Variants in COPZ2 observed in about 807,000 individuals in gnomAD.
COPZ2 encodes the protein coat protein complex I subunit zeta 2.
In COPZ2, 30 loss-of-function variants were observed where a neutral mutation model predicts 33.2. The observed-to-expected ratio is 0.90, with a 90% CI of 0.68 to 1.23. COPZ2 has a LOEUF of 1.23. COPZ2 is among the 50% of genes most tolerant of loss of function. COPZ2 has a pLI of 0.00. For missense variants in COPZ2, 263 were observed against 262.4 expected (o/e 1.00, Z -0.02); for synonymous variants, 89 against 102.6 (o/e 0.87, Z 0.80).
upstream of COPZ2, among the ~76,000 whole-genome samples, chr17:48,038,339 T>G (rs748623656): frequency 6.6e-6 from 1 of 152,144 alleles, no homozygotes; most frequent in Non-Finnish European, 1.5e-5. Flanking sequence ...CAGGCTCTCC[T>G]AAGTCACAGA....
the COPZ2 span, chr17:48,045,236 G>C: frequency 1.3e-5 from 2 of 152,220 alleles, no homozygotes; most frequent in African/African-American, 4.8e-5. Context: ...TGGGGTTACA[G>C]GTGTGAGCCA....
At chr17:48,044,477 T>C in the COPZ2 span, among the ~76,000 whole-genome samples, 123,062 of 147,872 alleles carry the variant, frequency 0.83, 51,866 homozygotes, top group African/African-American at 0.95. Flanking sequence ...ACTCTGGCTG[T>C]GCATAAGAAT....
chr17:48,031,044 TGCCACTCCCTA>T (rs1462976099), intron 6 of COPZ2, among the ~76,000 whole-genome samples: 1 of 152,218 alleles, frequency 6.6e-6, no homozygotes. Flanking sequence ...ATCTTGGCCC[TGCCACTCCCTA>T]GCTGTGTGAG....
At chr17:48,044,344 C>CAA in the COPZ2 span, among the ~76,000 whole-genome samples, 1 of 132,278 alleles carries the variant, frequency 7.6e-6, no homozygotes, top group Non-Finnish European at 1.6e-5. Flanking sequence ...GACTCCATCT[C>CAA]AAAAAAAAAA....
intron 2 of COPZ2, among the ~76,000 whole-genome samples, chr17:48,034,505 C>T (rs1028576662): frequency 6.6e-5 from 10 of 152,292 alleles, no homozygotes; most frequent in South Asian, 2.1e-4. Flanking sequence ...GGATCTTGTA[C>T]ATTCAGCAGA....
intron 6 of COPZ2, among the ~76,000 whole-genome samples, chr17:48,030,231 G>A (rs2036873934): frequency 6.6e-6 from 1 of 151,316 alleles, no homozygotes; most frequent in South Asian, 2.1e-4. Flanking sequence ...AGGTTGCAGT[G>A]AGCCAAGATC....
At chr17:48,029,542 G>T in intron 6 of COPZ2, 1 of 315,580 alleles carries the variant, frequency 3.2e-6, no homozygotes, top group Non-Finnish European at 5.8e-6. Flanking sequence ...CCTGTGAAAA[G>T]AGTTAGGAAG....
chr17:48,037,532 C>T lies in COPZ2; in HGVS notation c.111+135G>A, dbSNP rs1404222429. 1 of 851,984 alleles carries T rather than the reference C, an allele frequency of 1.2e-6. No individual in the cohort carries two copies. The highest frequency in any genetic ancestry group is 1.5e-6 in the Non-Finnish European group (1 of 685,406). The allele number at this position is 851,984 out of a possible 1,614,324, so 52.8% of individuals were successfully genotyped here. On this transcript the variant is annotated intron_variant, in intron 1 of 8. Coordinates refer to ENST00000621465, the MANE Select transcript of COPZ2 (RefSeq NM_016429.4). The surrounding 1 kb of genome is among the most constrained non-coding windows in gnomAD (Gnocchi z 5.6). ...TGGGACGAACTTTTCCTCCCGGGTC[C>T]TGGGGCCAGTCAGGGGTGACACAAA... is the stretch of plus-strand genomic sequence containing the variant.
upstream of COPZ2, among the ~76,000 whole-genome samples, chr17:48,042,426 G>A (rs140676712): frequency 2.4e-4 from 37 of 151,850 alleles, no homozygotes; most frequent in Non-Finnish European, 4.7e-4. Flanking sequence ...GAACCACCGC[G>A]CCTGGCCTTG....
At chr17:48,036,643 G>C (rs1449990350) in intron 2 of COPZ2, among the ~76,000 whole-genome samples, 1 of 152,186 alleles carries the variant, frequency 6.6e-6, no homozygotes, top group African/African-American at 2.4e-5. Flanking sequence ...AGGATGATAA[G>C]GAAACATTTC....
rs577249607 is a variant in COPZ2, at chr17:48,030,421, A to T, written c.495-1245T>A. 3.7e-4 allele frequency among the ~76,000 whole-genome samples: 56 copies of T among 152,236 alleles called. 1 individual carries two copies. Among genetic ancestry groups the T allele is most frequent in the Admixed American group, 1.3e-3 (20 of 15,284 alleles). Reference sequence around the variant, plus strand: ...CGCTCCTTCGTGAGGCCTTGGGGTTATGTACAGGGTACATGGGCGTGAGGG... The same window carrying T: ...CGCTCCTTCGTGAGGCCTTGGGGTTTTGTACAGGGTACATGGGCGTGAGGG... On this transcript the variant is annotated intron_variant, in intron 6 of 8. Transcript: ENST00000621465.
At chr17:48,045,061 G>C in the COPZ2 span, 1 of 152,132 alleles carries the variant, frequency 6.6e-6, no homozygotes, top group Non-Finnish European at 1.5e-5. Context: ...AGGATCGGGT[G>C]ATCTTTCCAC....
At chr17:48,032,930 G>A (rs1477006437) in intron 4 of COPZ2, 189 bp from the exon 5 acceptor site, 2 of 610,340 alleles carry the variant, frequency 3.3e-6, no homozygotes, top group East Asian at 2.8e-5. Flanking sequence ...TCTCCACTGG[G>A]AGACATTGAG....
Position 48,026,481 on chromosome 17 carries a change from G to T in COPZ2, c.586-6C>A. On this transcript the variant is annotated splice_region_variant and splice_polypyrimidine_tract_variant and intron_variant, in intron 8 of 8. Coordinates refer to ENST00000621465, the MANE Select transcript of COPZ2 (RefSeq NM_016429.4). ...TCCTTGGCAGACTGAAGAACCTGGG[G>T]TGGGGTGGGGGAGGTTGAGAGAGAA... is the stretch of plus-strand genomic sequence containing the variant. 6.2e-7 allele frequency: 1 copy of T among 1,605,492 alleles called. No homozygotes were observed. The highest frequency in any genetic ancestry group is 8.5e-7 in the Non-Finnish European group (1 of 1,172,454).
intron 6 of COPZ2, 115 bp from the exon 7 acceptor site, chr17:48,029,291 T>A: frequency 1.1e-6 from 1 of 906,098 alleles, no homozygotes; most frequent in Non-Finnish European, 1.8e-6. Flanking sequence ...ATCTCCACCT[T>A]CCAGGTCCCT....
chr17:48,032,700 C>T lies in COPZ2; in HGVS notation c.402G>A (p.Leu134=). 1 of 1,592,822 alleles carries T rather than the reference C, an allele frequency of 6.3e-7. No homozygotes were observed. The highest frequency in any genetic ancestry group is 8.5e-7 in the Non-Finnish European group (1 of 1,169,682). The part of the protein sequence containing the change: ...MSVLTCLFES[L]NHMLRKNVEK... ...ACCTCACTCACCTTAACATGTGGTT[C>T]AGAGACTCAAACAGGCAGGTGAGAA... The change falls in exon 5 of 9, where the codon CTG becomes CTA. Residue 134 remains leucine, a synonymous_variant. Transcript: ENST00000621465.
At chr17:48,040,135 CA>C (rs2037047644), upstream of COPZ2, among the ~76,000 whole-genome samples, 5 of 55,882 alleles carry the variant, frequency 8.9e-5, no homozygotes, top group Non-Finnish European at 1.5e-4. Context: ...CCCACCCACC[CA>C]CACACACACA....
At chr17:48,027,186 T>C (rs1047170597) in intron 8 of COPZ2, among the ~76,000 whole-genome samples, 1 of 152,244 alleles carries the variant, frequency 6.6e-6, no homozygotes, top group African/African-American at 2.4e-5. Context: ...CCCCTGATTC[T>C]CCTAGCCAGA....
chr17:48,029,235 C>T, intron 6 of COPZ2, 59 bp from the exon 7 acceptor site: 1 of 1,484,894 alleles, frequency 6.7e-7, no homozygotes, highest in Non-Finnish European at 9.2e-7. Context: ...CCCCTCCGCC[C>T]CTTCTCCTTG....
Sources: allele counts gnomAD v4.1 joint callset (sites outside exome capture counted in the v4.1 genomes callset), GRCh38; gene constraint gnomAD v4.1.1; non-coding constraint Gnocchi (gnomAD v3.1); transcripts MANE v1.5; gene names NCBI Gene and HGNC (gene_info 2026-07-23, HGNC 2026-07-21).